XKR7: variants seen among roughly 807,000 people sequenced by gnomAD.
XKR7 encodes XK related 7.
In XKR7, 11 loss-of-function variants were observed where a neutral mutation model predicts 42.2. That is an observed-to-expected ratio of 0.26 (90% CI 0.16 to 0.43). XKR7 has a LOEUF of 0.43. XKR7 is among the 20% of genes least tolerant of loss of function. The pLI, the probability that XKR7 is intolerant of heterozygous loss-of-function variation, is 1.00. For synonymous variants in XKR7, 346 were observed against 366.4 expected (o/e 0.94, Z 0.64); for missense variants, 710 against 802.2 (o/e 0.89, Z 1.39).
intron 1 of XKR7, among the ~76,000 whole-genome samples, chr20:31,975,328 C>T (rs1353747406): frequency 2.0e-5 from 3 of 151,758 alleles, no homozygotes; most frequent in African/African-American, 7.3e-5. Context: ...GGCCCTTTGC[C>T]CCCTGATCTT....
chr20:31,976,557 G>T (rs1377384592), intron 1 of XKR7, among the ~76,000 whole-genome samples: 2 of 151,822 alleles, frequency 1.3e-5, no homozygotes, highest in African/African-American at 2.4e-5. Flanking sequence ...GCTAATTTTT[G>T]TATTTTTAGT....
In XKR7 at chr20:31,996,489, T is replaced by G; in HGVS notation, c.788-16T>G. On this transcript the variant is annotated splice_polypyrimidine_tract_variant and intron_variant, in intron 2 of 2. Transcript: ENST00000562532. ...CCCCTAACCCAGCCCACCCCGCCCC[T>G]GCCCTGTCTCCACAGCCCTCTCCAC... 1.7e-5 allele frequency: 1 copy of G among 59,088 alleles called. No homozygotes were observed. The allele number at this position is 59,088 out of a possible 1,614,324, so 3.7% of individuals were successfully genotyped here.
chr20:31,980,684 G>A (rs532771878), intron 1 of XKR7, among the ~76,000 whole-genome samples: 25 of 152,238 alleles, frequency 1.6e-4, no homozygotes, highest in Admixed American at 1.6e-3. Flanking sequence ...CCACAGCCAG[G>A]ATGCTTCCTC....
At chr20:31,970,103 A>G (rs2064457653) in intron 1 of XKR7, 1 of 152,268 alleles carries the variant, frequency 6.6e-6, no homozygotes, top group South Asian at 2.1e-4. Flanking sequence ...GCGGAGCTCT[A>G]TCCACACAAG....
chr20:32,003,089 C>G lies in XKR7; in HGVS notation c.*5632C>G, dbSNP rs2064632685. 6.6e-6 allele frequency: 1 copy of G among 152,326 alleles called. No homozygotes were observed. The highest frequency in any genetic ancestry group is 1.5e-5 in the Non-Finnish European group (1 of 68,100). The allele number at this position is 152,326 out of a possible 1,614,324, so 9.4% of individuals were successfully genotyped here. On this transcript the variant is annotated 3_prime_UTR_variant, in exon 3 of 3. Transcript: ENST00000562532. ...CCATGCCTGAGGGGCTAATCTCCCT[C>G]TGTCAGCACAATTCCGAGTGATTCT... is the stretch of plus-strand genomic sequence containing the variant.
intron 1 of XKR7, among the ~76,000 whole-genome samples, chr20:31,980,519 T>A (rs2122259573): frequency 6.6e-6 from 1 of 152,348 alleles, no homozygotes; most frequent in Non-Finnish European, 1.5e-5. Flanking sequence ...AGCCCTGGTT[T>A]GGGATGCAAC....
At position 31,995,257 on chromosome 20, in the gene XKR7, C is replaced by T. The variant is rs1357714050; in HGVS notation, c.774C>T (p.Pro258=). ...TGCTGGTGCACCGCGGTGGCGCGCC[C>T]GACCTGCTGCCGGGTGAGCCCGCCC... ...LSLLVHRGGA[P]DLLPALSTSA... is the part of the protein sequence containing the mutation. The change falls in exon 2 of 3, where the codon CCC becomes CCT. Residue 258 remains proline (P), a synonymous_variant. Coordinates refer to ENST00000562532, the MANE Select transcript of XKR7 (RefSeq NM_001011718.2). This position sits in a 1 kb window ranked among gnomAD's most constrained non-coding sequence, Gnocchi z 4.1. The T allele has an allele frequency of 3.3e-6, 5 of 1,536,938 alleles. No individual in the cohort carries two copies. Among genetic ancestry groups the T allele is most frequent in the East Asian group, 2.4e-5 (1 of 40,842 alleles).
At position 31,997,245 on chromosome 20, in the gene XKR7, A is replaced by T. The variant is rs751470056; in HGVS notation, c.1528A>T (p.Thr510Ser). 6.2e-7 allele frequency: 1 copy of T among 1,611,810 alleles called. No individual in the cohort carries two copies. Among genetic ancestry groups the T allele is most frequent in the Admixed American group, 1.7e-5 (1 of 60,024 alleles). Residue 510 changes from threonine (T) to serine (S), a missense_variant, in exon 3 of 3, where the codon ACA (threonine) becomes TCA (serine). Physicochemically the swap from Thr to Ser is moderately conservative, Grantham distance 58 (BLOSUM62 1). Coordinates refer to ENST00000562532, the MANE Select transcript of XKR7 (RefSeq NM_001011718.2). ...CCAGGTGCGGCCTGGCTTGCCTCCC[A>T]CACCAGTGGCCCGCACCTTGCGGAC... ...VFQVRPGLPP[T>S]PVARTLRTEG...
At chr20:31,989,860 G>T (rs759155586) in intron 1 of XKR7, among the ~76,000 whole-genome samples, 10 of 152,078 alleles carry the variant, frequency 6.6e-5, no homozygotes, top group Admixed American at 6.5e-4. Context: ...TGATCCTCCC[G>T]CCTTGGCCTC....
Position 32,000,230 on chromosome 20 carries a change from T to C in XKR7, c.*2773T>C, listed in dbSNP as rs2064617803. On this transcript the variant is annotated 3_prime_UTR_variant, in exon 3 of 3. Transcript: ENST00000562532. ...CCACTGGCTTGTCCCTTCATTTCAC[T>C]GGGATAGAGGAGTCAGATGAGGGAG... The C allele has an allele frequency of 6.6e-6, 1 of 152,348 alleles. No homozygotes were observed. The highest frequency in any genetic ancestry group is 6.5e-5 in the Admixed American group (1 of 15,286). 9.4% of individuals were successfully genotyped at this position (152,348 alleles called of 1,614,324 possible).
At chr20:31,988,834 G>A (rs1282609262) in intron 1 of XKR7, among the ~76,000 whole-genome samples, 3 of 152,150 alleles carry the variant, frequency 2.0e-5, no homozygotes, top group Non-Finnish European at 4.4e-5. Flanking sequence ...AGCCTGTGAG[G>A]TGTCCTGGCT....
At chr20:31,985,622 A>C (rs2064534433) in intron 1 of XKR7, among the ~76,000 whole-genome samples, 1 of 151,418 alleles carries the variant, frequency 6.6e-6, no homozygotes, top group Admixed American at 6.6e-5. Context: ...TATCCAAAGC[A>C]CAGACAGACA....
At chr20:31,993,370 G>A (rs2064578116) in intron 1 of XKR7, among the ~76,000 whole-genome samples, 1 of 152,166 alleles carries the variant, frequency 6.6e-6, no homozygotes, top group African/African-American at 2.4e-5. Context: ...CATGGGCACT[G>A]TACTTCATAG....
chr20:31,991,184 C>G (rs564653564), intron 1 of XKR7, among the ~76,000 whole-genome samples: 2 of 152,318 alleles, frequency 1.3e-5, no homozygotes, highest in African/African-American at 2.4e-5. Flanking sequence ...GACCCGGGCC[C>G]GGAAACAGAT....
Position 31,997,204 on chromosome 20 carries a change from C to T in XKR7, c.1487C>T (p.Pro496Leu). 2.5e-6 allele frequency: 4 copies of T among 1,610,422 alleles called. No individual in the cohort carries two copies. The Admixed American group carries it at 5.0e-5, about 20-fold the overall frequency. Residue 496 changes from proline (P) to leucine (L), a missense_variant, in exon 3 of 3, where the codon CCC (proline) becomes CTC (leucine). Physicochemically the swap from Pro to Leu is moderately conservative, Grantham distance 98 (BLOSUM62 -3). This residue lies in a region of XKR7 where 708 missense variants were observed against 786.2 expected (regional missense o/e 0.90). Transcript: ENST00000562532. ...TCGGCGGGAGAGCGTGCAGGGACCC[C>T]CACCCCACCTGTCTTCCAGGTGCGG... The part of the protein sequence containing the change: ...GASAGERAGT[P>L]TPPVFQVRPG...
intron 1 of XKR7, among the ~76,000 whole-genome samples, chr20:31,975,734 G>C (rs537055968): frequency 6.6e-6 from 1 of 152,258 alleles, no homozygotes; most frequent in South Asian, 2.1e-4. Flanking sequence ...GGGGTCAGGG[G>C]AGATTTCCAC....
In XKR7 at chr20:31,995,093, C is replaced by T. The variant is rs138631281; in HGVS notation, c.610C>T (p.Leu204=). The T allele has an allele frequency of 1.4e-3, 2,158 of 1,553,804 alleles. 18 individuals carry two copies. The African/African-American group carries it at 0.02, about 15-fold the overall frequency. ...GTACCTGCGCGCCCTGTACCTGGGGCTGCAGAGCCGCTGGCGCGGGGAGCG... is the reference window on the plus strand; with the variant it reads ...GTACCTGCGCGCCCTGTACCTGGGGTTGCAGAGCCGCTGGCGCGGGGAGCG... ...WRYLRALYLG[L]QSRWRGERLR... Residue 204 remains leucine, a synonymous_variant, in exon 2 of 3, where the codon CTG becomes TTG. Coordinates refer to ENST00000562532, the MANE Select transcript of XKR7 (RefSeq NM_001011718.2). The surrounding 1 kb of genome is among the most constrained non-coding windows in gnomAD (Gnocchi z 4.1).
chr20:31,978,392 G>A (rs771410004), intron 1 of XKR7, among the ~76,000 whole-genome samples: 2 of 152,254 alleles, frequency 1.3e-5, no homozygotes, highest in East Asian at 3.8e-4. Context: ...TTGCAGGCGT[G>A]AGCCACTGTG....
rs1463083796 is a variant in XKR7, at chr20:32,003,342, T to A, written c.*5885T>A. ...ACACCACAAACTTTTTGTATATTTT[T>A]AATTTTGCTGCGACATGAGATATTA... On this transcript the variant is annotated 3_prime_UTR_variant, in exon 3 of 3. Transcript: ENST00000562532. 1.3e-5 allele frequency: 2 copies of A among 152,238 alleles called. No individual in the cohort carries two copies. Among genetic ancestry groups the A allele is most frequent in the African/African-American group, 4.8e-5 (2 of 41,468 alleles). 9.4% of individuals were successfully genotyped at this position (152,238 alleles called of 1,614,324 possible). A position where few individuals can be genotyped will look rare whatever the true frequency, so the allele number is the denominator to read the frequency against.
Sources: gnomAD v4.1 joint callset for allele counts (sites outside exome capture counted in the v4.1 genomes callset) on GRCh38, gnomAD v4.1.1 for gene constraint, gnomAD v4.1.1 regional missense constraint, Gnocchi (gnomAD v3.1) non-coding constraint, MANE v1.5 for transcripts, NCBI Gene and HGNC (gene_info 2026-07-23, HGNC 2026-07-21) for gene names.